Variants in FKBP15 observed in about 807,000 individuals in gnomAD.
FKBP15 encodes the protein FKBP prolyl isomerase family member 15.
In FKBP15, 106 loss-of-function variants were observed where a neutral mutation model predicts 158.1. The ratio of observed to expected loss-of-function variants is 0.67; its 90% CI spans 0.57 to 0.79. FKBP15 has a LOEUF of 0.79. Among genes scored for constraint, FKBP15 ranks in the 30% least tolerant of loss-of-function variants. The pLI is 0.00. For missense variants in FKBP15, 1,287 were observed against 1,479.1 expected (o/e 0.87, Z 2.13); for synonymous variants, 547 against 548.6 (o/e 1.00, Z 0.04).
At chr9:113,201,484 TC>T (rs562768217) in intron 6 of FKBP15, among the ~76,000 whole-genome samples, 95 of 152,248 alleles carry the variant, frequency 6.2e-4, no homozygotes, top group Middle Eastern at 3.4e-3. Flanking sequence ...AAATCCTAAT[TC>T]CCAGTGTGAC....
intron 26 of FKBP15, among the ~76,000 whole-genome samples, 189 bp downstream of exon 26, chr9:113,169,035 C>CGCCACACTACCACAGGGCCT (rs1564147076): frequency 8.5e-5 from 13 of 152,062 alleles, no homozygotes; most frequent in African/African-American, 3.1e-4. Flanking sequence ...CCACAGGGCC[C>CGCCACACTACCACAGGGCCT]GCCACACTAC....
At chr9:113,204,667 C>T (rs914815492) in intron 4 of FKBP15, among the ~76,000 whole-genome samples, 3 of 152,178 alleles carry the variant, frequency 2.0e-5, no homozygotes, top group Admixed American at 6.5e-5. Flanking sequence ...ATTATTTCTT[C>T]TCTCTGTGCT....
At chr9:113,199,749 T>C in intron 7 of FKBP15, 65 bp downstream of exon 7, 1 of 1,496,144 alleles carries the variant, frequency 6.7e-7, no homozygotes, top group Admixed American at 2.2e-5. Flanking sequence ...TAATAGTATC[T>C]TCCCTGGGAA....
chr9:113,163,833 T>C lies in FKBP15; in HGVS notation c.*2245A>G, dbSNP rs1418849490. 6.5e-6 allele frequency: 1 copy of C among 152,680 alleles called. No homozygotes were observed. The highest frequency in any genetic ancestry group is 1.5e-5 in the Non-Finnish European group (1 of 68,046). 9.5% of individuals were successfully genotyped at this position (152,680 alleles called of 1,614,324 possible). A position where few individuals can be genotyped will look rare whatever the true frequency, so the allele number is the denominator to read the frequency against. On this transcript the variant is annotated 3_prime_UTR_variant, in exon 28 of 28. Transcript: ENST00000238256. ...GCATCTAATAATGTTCAATACTTAA[T>C]ATTCTCTATTTATTACTTACTGCTT...
Position 113,188,381 on chromosome 9 carries a change from T to C in FKBP15, c.1276+8A>G, listed in dbSNP as rs879900160. 2.5e-6 allele frequency: 4 copies of C among 1,606,160 alleles called. No individual in the cohort carries two copies. The highest frequency in any genetic ancestry group is 3.4e-6 in the Non-Finnish European group (4 of 1,173,072). ...TCAAGGCCACAGAGCCTCAGAGAGG[T>C]TCCTTACCCTGTGAGGTCATCTGTG... On this transcript the variant is annotated splice_region_variant and intron_variant, in intron 13 of 27. Coordinates refer to ENST00000238256, the MANE Select transcript of FKBP15 (RefSeq NM_015258.2).
rs775116359 is a variant in FKBP15, at chr9:113,169,496, G to A, written c.3213C>T (p.Pro1071=). ...SLAASPMAAK[P]DNPSGKVCVR... ...CACAGACCTTTCCTGATGGGTTGTC[G>A]GGCTTAGCTGCCATTGGGCTGGCAG... The change falls in exon 26 of 28, where the codon CCC becomes CCT. Residue 1071 remains proline (P), a synonymous_variant. Coordinates refer to ENST00000238256, the MANE Select transcript of FKBP15 (RefSeq NM_015258.2). 79 of 1,613,878 alleles carry A rather than the reference G, an allele frequency of 4.9e-5. No individual in the cohort carries two copies. The highest frequency in any genetic ancestry group is 1.6e-4 in the Middle Eastern group (1 of 6,084).
At chr9:113,215,598 A>ATGTGTG (rs1264875262) in intron 1 of FKBP15, among the ~76,000 whole-genome samples, 1 of 136,320 alleles carries the variant, frequency 7.3e-6, no homozygotes, top group African/African-American at 2.7e-5. Context: ...GTGAATATAT[A>ATGTGTG]TGTGTGCGTG....
intron 18 of FKBP15, among the ~76,000 whole-genome samples, chr9:113,183,346 AG>A (rs1830433591): frequency 6.6e-6 from 1 of 152,032 alleles, no homozygotes; most frequent in African/African-American, 2.4e-5. Flanking sequence ...CAAAATCCTT[AG>A]GTCTTATATG....
chr9:113,171,806 T>C (rs1321297494), intron 23 of FKBP15, 100 bp from the exon 24 acceptor site: 2 of 1,069,736 alleles, frequency 1.9e-6, no homozygotes, highest in East Asian at 5.7e-5. Flanking sequence ...CTCTTTTTTT[T>C]TTTTTTGCAT....
chr9:113,173,378 G>T, intron 23 of FKBP15, 75 bp downstream of exon 23: 3 of 1,502,658 alleles, frequency 2.0e-6, no homozygotes, highest in Non-Finnish European at 2.7e-6. Context: ...TAGAAGGATC[G>T]ACAGGACTCA....
intron 10 of FKBP15, 110 bp from the exon 11 acceptor site, chr9:113,193,659 C>G (rs1160846835): frequency 1.8e-5 from 16 of 871,460 alleles, no homozygotes; most frequent in Non-Finnish European, 2.8e-5. Context: ...AATTTAATGA[C>G]TGTAAAACAG....
Position 113,168,549 on chromosome 9 carries a change from C to G in FKBP15, c.3493G>C (p.Gly1165Arg), listed in dbSNP as rs1830137388. ...SHHSQRSSLS[G>R]DEEDELFKGA... ...TTAAACAGTTCATCCTCTTCATCCC[C>G]AGAGAGACTGAAGGAAAATCAAGTC... Residue 1165 changes from glycine (G) to arginine (R), a missense_variant, in exon 27 of 28, where the codon GGG becomes CGG. Coordinates refer to ENST00000238256, the MANE Select transcript of FKBP15 (RefSeq NM_015258.2). 2 of 1,613,778 alleles carry G rather than the reference C, an allele frequency of 1.2e-6. No individual in the cohort carries two copies. Among genetic ancestry groups the G allele is most frequent in the Admixed American group, 3.3e-5 (2 of 60,028 alleles).
At chr9:113,220,763 G>T (rs1410001939) in intron 1 of FKBP15, among the ~76,000 whole-genome samples, 1 of 152,200 alleles carries the variant, frequency 6.6e-6, no homozygotes, top group Non-Finnish European at 1.5e-5. Flanking sequence ...TCCAAAACGT[G>T]ACATCCGAGC....
At chr9:113,214,743 A>C (rs897094176) in intron 1 of FKBP15, among the ~76,000 whole-genome samples, 2 of 152,234 alleles carry the variant, frequency 1.3e-5, no homozygotes, top group Non-Finnish European at 2.9e-5. Flanking sequence ...TCTTCTTCCA[A>C]TAGAAAGCTG....
chr9:113,195,655 T>C (rs1471606110), intron 9 of FKBP15, among the ~76,000 whole-genome samples: 2 of 152,130 alleles, frequency 1.3e-5, no homozygotes, highest in Non-Finnish European at 2.9e-5. Flanking sequence ...ACCATAATAT[T>C]CCCTATTTGT....
intron 2 of FKBP15, among the ~76,000 whole-genome samples, chr9:113,210,481 C>T (rs1044752750): frequency 3.9e-5 from 6 of 152,040 alleles, no homozygotes; most frequent in Non-Finnish European, 5.9e-5. Context: ...TACAGGCAAG[C>T]GCCACCATGC....
At chr9:113,200,662 TATG>T (rs1328979046) in intron 6 of FKBP15, among the ~76,000 whole-genome samples, 1 of 152,172 alleles carries the variant, frequency 6.6e-6, no homozygotes, top group Non-Finnish European at 1.5e-5. Context: ...GAAAGATCTT[TATG>T]AGTTTAGAAA....
At chr9:113,208,207 C>T (rs1055120189) in intron 2 of FKBP15, among the ~76,000 whole-genome samples, 7 of 151,956 alleles carry the variant, frequency 4.6e-5, no homozygotes, top group South Asian at 2.1e-4. Flanking sequence ...GGTGGTGGCG[C>T]GCACCTGTAG....
chr9:113,204,847 C>G lies in FKBP15; in HGVS notation c.324+1662G>C, dbSNP rs540168546. On this transcript the variant is annotated intron_variant, in intron 4 of 27. Coordinates refer to ENST00000238256, the MANE Select transcript of FKBP15 (RefSeq NM_015258.2). ...ATAGATTCTAACTTTTTAAATTCTC[C>G]ATCTTTTCATCCCTTTTGTACTTTT... 2.6e-5 allele frequency among the ~76,000 whole-genome samples: 4 copies of G among 152,248 alleles called. No homozygotes were observed. The South Asian group carries it at 6.2e-4, about 24-fold the overall frequency.
Sources: gnomAD v4.1 joint callset for allele counts (sites outside exome capture counted in the v4.1 genomes callset) on GRCh38, gnomAD v4.1.1 for gene constraint, MANE v1.5 for transcripts, NCBI Gene and HGNC (gene_info 2026-07-23, HGNC 2026-07-21) for gene names.